The following CLDN2 variants were observed in gnomAD, a reference collection of about 807,000 sequenced individuals.
CLDN2 encodes the protein claudin 2.
Under a neutral mutation model 8.2 loss-of-function variants are expected in CLDN2, and 1 was observed. The ratio of observed to expected loss-of-function variants is 0.12; its 90% CI spans 0.04 to 0.58. The LOEUF (loss-of-function observed/expected upper bound fraction) is 0.58, where lower values mean the gene tolerates loss of function less well. Ranked by LOEUF, CLDN2 falls within the 20% of genes least tolerant of loss-of-function variation. The probability of loss-of-function intolerance (pLI) is 0.90; values close to 1 mark genes in which losing one functional copy is unlikely to be tolerated. For synonymous variants in CLDN2, 70 were observed against 70.2 expected, an observed-to-expected ratio of 1.00 and a Z score of 0.01; for missense variants, 108 against 172.9, an observed-to-expected ratio of 0.62 and a Z score of 2.11.
intron 1 of CLDN2, among the ~76,000 whole-genome samples, chrX:106,907,175 G>A (rs922845107): frequency 9.0e-6 from 1 of 110,823 alleles, no homozygotes; most frequent in Non-Finnish European, 1.9e-5. Flanking sequence ...CCTCATTTCC[G>A]AAACTCTCCC....
intron 1 of CLDN2, among the ~76,000 whole-genome samples, chrX:106,912,050 A>G (rs1016040123): frequency 1.8e-5 from 2 of 111,630 alleles, no homozygotes; most frequent in African/African-American, 6.5e-5. Flanking sequence ...GGGCACAACA[A>G]CAGCAGAGGT....
chrX:106,904,104 A>G (rs1444129291), intron 1 of CLDN2, among the ~76,000 whole-genome samples: 2 of 112,517 alleles, frequency 1.8e-5, no homozygotes, highest in Non-Finnish European at 3.8e-5. Flanking sequence ...GCCCGACTAC[A>G]GAGCTGCCGA....
chrX:106,912,747 T>C (rs1291637308), intron 1 of CLDN2, among the ~76,000 whole-genome samples: 1 of 110,881 alleles, frequency 9.0e-6, no homozygotes, highest in African/African-American at 3.3e-5. Context: ...TATTCAAACT[T>C]GGGTGCTTGG....
In CLDN2 at chrX:106,927,451, T is replaced by A. The variant is rs138395219; in HGVS notation, c.-178-600T>A. ...AGGAAATGTCTGGGCATGTTATACA[T>A]GCAGGAGGCCTTAGACTAGGCTGCA... On this transcript the variant is annotated intron_variant, in intron 1 of 1. Coordinates refer to ENST00000336803, the MANE Select transcript of CLDN2 (RefSeq NM_020384.4). 2.8e-3 allele frequency among the ~76,000 whole-genome samples: 316 copies of A among 111,155 alleles called. 2 individuals are homozygous for A. Among genetic ancestry groups the A allele is most frequent in the African/African-American group, 9.6e-3 (294 of 30,536 alleles).
chrX:106,916,839 G>A (rs1933316988), upstream of CLDN2, among the ~76,000 whole-genome samples: 1 of 111,690 alleles, frequency 9.0e-6, no homozygotes, highest in South Asian at 3.8e-4. Flanking sequence ...CTTGAGCCTA[G>A]GAGTTTGAGA....
intron 1 of CLDN2, among the ~76,000 whole-genome samples, chrX:106,904,954 A>G (rs925070271): frequency 8.9e-5 from 10 of 112,200 alleles, no homozygotes; most frequent in African/African-American, 3.2e-4. Flanking sequence ...TGGGAGTAAC[A>G]GTGGGGTGGA....
At chrX:106,904,889 C>T (rs1369477576) in intron 1 of CLDN2, among the ~76,000 whole-genome samples, 1 of 111,707 alleles carries the variant, frequency 9.0e-6, no homozygotes, top group Non-Finnish European at 1.9e-5. Flanking sequence ...GAATGGACAG[C>T]GTGCAGAGAA....
At chrX:106,912,801 A>C (rs1009338970) in intron 1 of CLDN2, among the ~76,000 whole-genome samples, 2 of 111,445 alleles carry the variant, frequency 1.8e-5, no homozygotes, top group African/African-American at 6.5e-5. Context: ...TGTCACCTCA[A>C]GGAAAACAAC....
At chrX:106,908,900 G>A (rs79260219) in intron 1 of CLDN2, among the ~76,000 whole-genome samples, 1 of 112,097 alleles carries the variant, frequency 8.9e-6, no homozygotes, top group African/African-American at 3.2e-5. Context: ...TAGCACTAAG[G>A]AGATTAGCGC....
upstream of CLDN2, among the ~76,000 whole-genome samples, chrX:106,917,529 C>G (rs1335857096): frequency 9.0e-6 from 1 of 111,203 alleles, no homozygotes; most frequent in Non-Finnish European, 1.9e-5. Context: ...CTAAGTCTCT[C>G]TCTGCCCTAG....
chrX:106,905,915 C>T (rs1933172987), intron 1 of CLDN2, among the ~76,000 whole-genome samples: 1 of 111,758 alleles, frequency 8.9e-6, no homozygotes, highest in African/African-American at 3.3e-5. Context: ...GCCCAGGGAG[C>T]CTTCAGACCT....
At chrX:106,912,696 AT>A (rs754004018) in intron 1 of CLDN2, among the ~76,000 whole-genome samples, 257 of 103,900 alleles carry the variant, frequency 2.5e-3, no homozygotes, top group Non-Finnish European at 2.9e-3. Flanking sequence ...GGAGCACTTT[AT>A]TTTTTTTTTT....
intron 1 of CLDN2, among the ~76,000 whole-genome samples, chrX:106,901,832 C>T (rs779239140): frequency 4.5e-5 from 5 of 110,433 alleles, no homozygotes; most frequent in South Asian, 4.0e-4. Context: ...TCAGGGAGAT[C>T]GGGTGGGTGG....
In CLDN2 at chrX:106,929,572, T is replaced by C. The variant is rs1933518500; in HGVS notation, c.*651T>C. ...AGGACAGGAAGGCAGCCTGGGACAT[T>C]TAAAAAAATAAAAATGAAAAAAAAA... On this transcript the variant is annotated 3_prime_UTR_variant, in exon 2 of 2. Coordinates refer to ENST00000336803, the MANE Select transcript of CLDN2 (RefSeq NM_020384.4). The C allele has an allele frequency of 8.2e-6, 1 of 121,929 alleles. No individual in the cohort carries two copies. The highest frequency in any genetic ancestry group is 9.6e-5 in the Admixed American group (1 of 10,385). 10.0% of individuals were successfully genotyped at this position (121,929 alleles called of 1,213,427 possible). A position where few individuals can be genotyped will look rare whatever the true frequency, so the allele number is the denominator to read the frequency against.
intron 1 of CLDN2, among the ~76,000 whole-genome samples, chrX:106,908,343 T>G (rs1390965129): frequency 2.7e-5 from 3 of 111,294 alleles, no homozygotes; most frequent in Admixed American, 9.6e-5. Flanking sequence ...ATGTCCAAAC[T>G]CCTTCGTGTG....
rs1933511073 is a variant in CLDN2 at position 106,929,112 on chromosome X, C to T, written c.*191C>T. 9.1e-6 allele frequency: 4 copies of T among 438,782 alleles called. No individual in the cohort carries two copies. The highest frequency in any genetic ancestry group is 1.6e-5 in the Non-Finnish European group (4 of 249,504). The allele number at this position is 438,782 out of a possible 1,213,427, so 36.2% of individuals were successfully genotyped here. ...GTGTAACAGCATGCAGGTTGAATTG[C>T]CAAGGATGCTCGCCATGCCAGCCTT... On this transcript the variant is annotated 3_prime_UTR_variant, in exon 2 of 2. Transcript: ENST00000336803.
upstream of CLDN2, among the ~76,000 whole-genome samples, chrX:106,915,033 A>G (rs1411138369): frequency 8.9e-6 from 1 of 111,942 alleles, no homozygotes; most frequent in East Asian, 2.8e-4. Flanking sequence ...CCACTACCCC[A>G]ACTCCTGGCA....
chrX:106,911,843 T>C (rs986614560), intron 1 of CLDN2, among the ~76,000 whole-genome samples: 1 of 112,044 alleles, frequency 8.9e-6, no homozygotes, highest in Non-Finnish European at 1.9e-5. Context: ...ATAGATTTAG[T>C]CTAGCAAGTA....
At chrX:106,912,408 CTTT>C (rs1158258640) in intron 1 of CLDN2, among the ~76,000 whole-genome samples, 6 of 67,980 alleles carry the variant, frequency 8.8e-5, no homozygotes, top group African/African-American at 2.3e-4. Flanking sequence ...TTATGGAACT[CTTT>C]TTTTTTTTTT....
Sources: allele counts gnomAD v4.1 joint callset (sites outside exome capture counted in the v4.1 genomes callset), GRCh38; gene constraint gnomAD v4.1.1; transcripts MANE v1.5; gene names NCBI Gene and HGNC (gene_info 2026-07-23, HGNC 2026-07-21).